Variants in WWOX observed in about 807,000 individuals in gnomAD.
WWOX encodes WW domain containing oxidoreductase, also known as WW domain-containing oxidoreductase.
In WWOX, 69 loss-of-function variants were observed where a neutral mutation model predicts 46.2. The ratio of observed to expected loss-of-function variants is 1.49; its 90% CI spans 1.23 to 1.82. WWOX has a LOEUF of 1.82. WWOX is among the 40% of genes most tolerant of loss of function. The pLI is 0.00. For synonymous variants in WWOX, 359 were observed against 202.6 expected (o/e 1.77, Z -6.56); for missense variants, 919 against 542.6 (o/e 1.69, Z -6.89).
rs1180528924 is a variant in WWOX, at chr16:78,274,086, T to C, written c.516+109797T>C. 1.3e-5 allele frequency among the ~76,000 whole-genome samples: 2 copies of C among 152,176 alleles called. 1 individual carries two copies. Among genetic ancestry groups the C allele is most frequent in the African/African-American group, 4.8e-5 (2 of 41,450 alleles). ...AACAAATACACTCCCAAAACCTCAA[T>C]AGATTCTCCCAGTATACCCTATATT... On this transcript the variant is annotated intron_variant, in intron 5 of 8. Coordinates refer to ENST00000566780, the MANE Select transcript of WWOX (RefSeq NM_016373.4).
intron 8 of WWOX, among the ~76,000 whole-genome samples, chr16:79,027,143 G>C (rs1011987823): frequency 6.6e-6 from 1 of 151,296 alleles, no homozygotes; most frequent in Non-Finnish European, 1.5e-5. Context: ...AGCTGGGCAT[G>C]GTGGTACATG....
chr16:78,609,579 C>T (rs982727157), intron 8 of WWOX, among the ~76,000 whole-genome samples: 1 of 151,116 alleles, frequency 6.6e-6, no homozygotes, highest in African/African-American at 2.4e-5. Flanking sequence ...TCATACCCCT[C>T]CTAGGAGACA....
chr16:78,246,309 A>G (rs567875595), intron 5 of WWOX, among the ~76,000 whole-genome samples: 1 of 152,334 alleles, frequency 6.6e-6, no homozygotes, highest in South Asian at 2.1e-4. Flanking sequence ...CCAGTTTGCC[A>G]GGTCCTAACT....
chr16:78,791,055 A>G (rs900808538), intron 8 of WWOX, among the ~76,000 whole-genome samples: 1 of 150,626 alleles, frequency 6.6e-6, no homozygotes, highest in African/African-American at 2.4e-5. Context: ...AAAAAAAGGA[A>G]AATCTTCGTT....
At chr16:78,689,770 A>G (rs573910416) in intron 8 of WWOX, among the ~76,000 whole-genome samples, 11 of 152,128 alleles carry the variant, frequency 7.2e-5, no homozygotes, top group African/African-American at 2.2e-4. Flanking sequence ...TCTCTCCCCT[A>G]TTGCAACAGC....
intron 8 of WWOX, among the ~76,000 whole-genome samples, chr16:78,806,360 A>G (rs2051037896): frequency 6.6e-6 from 1 of 152,112 alleles, no homozygotes; most frequent in African/African-American, 2.4e-5. Flanking sequence ...ATAACAAACC[A>G]CCCCCAAATT....
At chr16:78,839,892 C>G (rs561411024) in intron 8 of WWOX, among the ~76,000 whole-genome samples, 1 of 152,302 alleles carries the variant, frequency 6.6e-6, no homozygotes, top group African/African-American at 2.4e-5. Flanking sequence ...ACTAGCGAAG[C>G]CTTCAGGCAG....
chr16:78,722,795 C>G (rs951468432), intron 8 of WWOX, among the ~76,000 whole-genome samples: 12 of 148,410 alleles, frequency 8.1e-5, no homozygotes, highest in Admixed American at 3.4e-4. Context: ...AATCTCAGCA[C>G]TTTAGGAGGC....
At chr16:79,021,905 G>T (rs1174741739) in intron 8 of WWOX, among the ~76,000 whole-genome samples, 1 of 152,178 alleles carries the variant, frequency 6.6e-6, no homozygotes, top group Admixed American at 6.5e-5. Context: ...GATGAGCTGG[G>T]ACCAACACCA....
chr16:78,806,221 C>T (rs1308277332), intron 8 of WWOX, among the ~76,000 whole-genome samples: 1 of 152,136 alleles, frequency 6.6e-6, no homozygotes, highest in Non-Finnish European at 1.5e-5. Flanking sequence ...TGAACTTTTT[C>T]CTCTCAGGAT....
intron 5 of WWOX, among the ~76,000 whole-genome samples, chr16:78,254,360 C>G (rs1052565569): frequency 6.6e-6 from 1 of 152,022 alleles, no homozygotes; most frequent in Non-Finnish European, 1.5e-5. Context: ...GTTGGGATTA[C>G]AGGTGTGAGC....
rs571999971 is a variant in WWOX at position 78,683,926 on chromosome 16, G to A, written c.1056+251174G>A. Among the ~76,000 whole-genome samples the A allele has an allele frequency of 5.9e-5, 9 of 152,270 alleles. 1 individual carries two copies. The South Asian group carries it at 6.2e-4, about 11-fold the overall frequency. On this transcript the variant is annotated intron_variant, in intron 8 of 8. Transcript: ENST00000566780. ...AGGTTTACTGTAAGAGATAATGTTG[G>A]CAAGCTGAGGAAAGGAGGCAGTTTT...
chr16:78,498,436 C>G (rs2084974008), intron 8 of WWOX, among the ~76,000 whole-genome samples: 1 of 152,112 alleles, frequency 6.6e-6, no homozygotes, highest in South Asian at 2.1e-4. Context: ...AGCCCCTTTT[C>G]TAAACCACAC....
intron 8 of WWOX, among the ~76,000 whole-genome samples, chr16:79,072,399 C>T (rs772129677): frequency 6.6e-6 from 1 of 152,188 alleles, no homozygotes; most frequent in Non-Finnish European, 1.5e-5. Flanking sequence ...ATGAGACCTC[C>T]ACATGGACAG....
At chr16:78,490,174 T>C (rs2084744109) in intron 8 of WWOX, among the ~76,000 whole-genome samples, 1 of 150,850 alleles carries the variant, frequency 6.6e-6, no homozygotes, top group African/African-American at 2.5e-5. Context: ...TGGCTTTTAC[T>C]TGGGGTTGAC....
chr16:79,145,516 C>T (rs1463997955), intron 8 of WWOX, among the ~76,000 whole-genome samples: 1 of 152,092 alleles, frequency 6.6e-6, no homozygotes, highest in African/African-American at 2.4e-5. Context: ...AATATTATTC[C>T]AAACTGTAAA....
At chr16:78,336,837 G>A (rs1434271581) in intron 5 of WWOX, among the ~76,000 whole-genome samples, 1 of 152,088 alleles carries the variant, frequency 6.6e-6, no homozygotes, top group Non-Finnish European at 1.5e-5. Flanking sequence ...TCATTTCCCA[G>A]GATGGAGTGC....
intron 4 of WWOX, among the ~76,000 whole-genome samples, chr16:78,151,787 C>T (rs1003034136): frequency 6.6e-6 from 1 of 152,182 alleles, no homozygotes; most frequent in African/African-American, 2.4e-5. Flanking sequence ...AAGAAGTTTT[C>T]CTGCCCCCAA....
chr16:78,972,656 A>C (rs2046495023), intron 8 of WWOX, among the ~76,000 whole-genome samples: 1 of 152,156 alleles, frequency 6.6e-6, no homozygotes, highest in African/African-American at 2.4e-5. Context: ...TTCTGTTTCA[A>C]CTGCAGAGCC....
Sources: allele counts gnomAD v4.1 joint callset (sites outside exome capture counted in the v4.1 genomes callset), GRCh38; gene constraint gnomAD v4.1.1; transcripts MANE v1.5; gene names NCBI Gene and HGNC (gene_info 2026-07-23, HGNC 2026-07-21).